ADAMTSL1: variants seen among roughly 807,000 people sequenced by gnomAD.
The protein encoded by ADAMTSL1 is ADAMTS-like protein 1.
In ADAMTSL1, 126 loss-of-function variants were observed where a neutral mutation model predicts 201.8. The observed-to-expected ratio is 0.62, with a 90% CI of 0.54 to 0.72. The LOEUF (loss-of-function observed/expected upper bound fraction) is 0.72. Among genes scored for constraint, ADAMTSL1 ranks in the 30% least tolerant of loss-of-function variants. ADAMTSL1 has a pLI of 0.00. For synonymous variants in ADAMTSL1, 1,121 were observed against 903.4 expected (o/e 1.24, Z -4.32); for missense variants, 2,679 against 2,277.8 (o/e 1.18, Z -3.59).
chr9:18,196,878 C>T (rs1829204259), intron 2 of ADAMTSL1, among the ~76,000 whole-genome samples: 1 of 152,068 alleles, frequency 6.6e-6, no homozygotes, highest in Admixed American at 6.6e-5. Flanking sequence ...TTCATGCCCT[C>T]AGGCTTCAGC....
At chr9:18,068,681 T>A (rs2131725728) in intron 1 of ADAMTSL1, among the ~76,000 whole-genome samples, 1 of 152,294 alleles carries the variant, frequency 6.6e-6, no homozygotes, top group South Asian at 2.1e-4. Flanking sequence ...TTCTGGAAGT[T>A]TTTAATGTTG....
intron 2 of ADAMTSL1, among the ~76,000 whole-genome samples, chr9:18,312,256 G>T (rs1834186180): frequency 6.6e-6 from 1 of 152,154 alleles, no homozygotes. Context: ...CAAGATTGGT[G>T]GCAACTTCCT....
intron 23 of ADAMTSL1, among the ~76,000 whole-genome samples, chr9:18,847,942 C>T (rs534965192): frequency 2.0e-5 from 3 of 152,210 alleles, no homozygotes. Context: ...GCATCATGGG[C>T]TTTTCCAGCA....
intron 7 of ADAMTSL1, among the ~76,000 whole-genome samples, chr9:18,650,457 A>G (rs2132908518): frequency 6.6e-6 from 1 of 152,006 alleles, no homozygotes; most frequent in African/African-American, 2.4e-5. Flanking sequence ...CTCAGATGGA[A>G]ATGCAGAAAT....
intron 20 of ADAMTSL1, among the ~76,000 whole-genome samples, chr9:18,800,474 T>C (rs1038477975): frequency 6.8e-6 from 1 of 146,510 alleles, no homozygotes; most frequent in African/African-American, 2.5e-5. Context: ...TAAGCTGCCA[T>C]CAAGGAGATT....
At chr9:17,980,983 C>G (rs570777769) in intron 1 of ADAMTSL1, among the ~76,000 whole-genome samples, 5 of 152,124 alleles carry the variant, frequency 3.3e-5, no homozygotes, top group African/African-American at 1.2e-4. Flanking sequence ...GGGAAACTCT[C>G]CTGGGAATTA....
intron 14 of ADAMTSL1, 92 bp downstream of exon 14, chr9:18,707,140 C>A: frequency 6.9e-7 from 1 of 1,450,614 alleles, no homozygotes; most frequent in Non-Finnish European, 9.2e-7. Flanking sequence ...GCCTCAAATC[C>A]AAGAATGATA....
At chr9:18,231,607 G>A (rs1258682641) in intron 2 of ADAMTSL1, among the ~76,000 whole-genome samples, 1 of 152,110 alleles carries the variant, frequency 6.6e-6, no homozygotes, top group Admixed American at 6.5e-5. Flanking sequence ...ATGGCTATAT[G>A]TGATCAGCAC....
At chr9:18,294,562 G>A (rs547768629) in intron 2 of ADAMTSL1, among the ~76,000 whole-genome samples, 1 of 152,276 alleles carries the variant, frequency 6.6e-6, no homozygotes, top group African/African-American at 2.4e-5. Flanking sequence ...CATAGTCTAA[G>A]CTGGCACTGC....
At chr9:18,013,693 C>A (rs1820144127) in intron 1 of ADAMTSL1, among the ~76,000 whole-genome samples, 2 of 151,970 alleles carry the variant, frequency 1.3e-5, no homozygotes, top group Admixed American at 6.6e-5. Context: ...CAGCACTTAG[C>A]CAAATGGGGC....
chr9:18,668,149 A>G (rs1374092152), intron 9 of ADAMTSL1, among the ~76,000 whole-genome samples: 5 of 152,194 alleles, frequency 3.3e-5, no homozygotes. Context: ...TAAGTAAATG[A>G]TTTAGAAAAG....
chr9:18,820,940 AAAG>A (rs1470974444), intron 21 of ADAMTSL1, among the ~76,000 whole-genome samples: 1 of 152,214 alleles, frequency 6.6e-6, no homozygotes, highest in African/African-American at 2.4e-5. Context: ...TGCTGCATTT[AAAG>A]AAGTAAAACC....
At chr9:18,130,591 G>T (rs1825910988) in intron 1 of ADAMTSL1, among the ~76,000 whole-genome samples, 1 of 152,132 alleles carries the variant, frequency 6.6e-6, no homozygotes, top group Non-Finnish European at 1.5e-5. Context: ...TCTTTACAGA[G>T]AGAAGCTAGC....
chr9:18,799,813 C>T (rs1247806343), intron 20 of ADAMTSL1, among the ~76,000 whole-genome samples: 1 of 152,124 alleles, frequency 6.6e-6, no homozygotes, highest in African/African-American at 2.4e-5. Flanking sequence ...ACAGAAACCT[C>T]ACTGGGAAAA....
At chr9:18,070,076 A>G (rs6475197) in intron 1 of ADAMTSL1, among the ~76,000 whole-genome samples, 6,179 of 152,244 alleles carry the variant, frequency 0.041, 380 homozygotes, top group African/African-American at 0.13. Flanking sequence ...TTAAGCTTAG[A>G]TGTGAGGCTA....
intron 13 of ADAMTSL1, among the ~76,000 whole-genome samples, chr9:18,696,738 C>T (rs1241783855): frequency 6.6e-6 from 1 of 151,748 alleles, no homozygotes; most frequent in Non-Finnish European, 1.5e-5. Flanking sequence ...GCAGTGTGGC[C>T]TTAGAAATCA....
At chr9:18,261,012 C>CTTTT (rs3085417) in intron 2 of ADAMTSL1, among the ~76,000 whole-genome samples, 1 of 104,230 alleles carries the variant, frequency 9.6e-6, no homozygotes, top group Non-Finnish European at 1.9e-5. Flanking sequence ...TTTCCTTTTT[C>CTTTT]TTTTTTTTTT....
chr9:18,162,748 T>C (rs1229774850), intron 1 of ADAMTSL1, among the ~76,000 whole-genome samples: 1 of 151,956 alleles, frequency 6.6e-6, no homozygotes, highest in Non-Finnish European at 1.5e-5. Flanking sequence ...CATAAAAAGG[T>C]ATAAAATGCA....
chr9:18,279,360 G>C (rs1292805501), intron 2 of ADAMTSL1, among the ~76,000 whole-genome samples: 1 of 151,858 alleles, frequency 6.6e-6, no homozygotes, highest in African/African-American at 2.4e-5. Flanking sequence ...AAAATGTGTT[G>C]TTCAAGGATC....
Sources: gnomAD v4.1 joint callset for allele counts (sites outside exome capture counted in the v4.1 genomes callset) on GRCh38, gnomAD v4.1.1 for gene constraint, MANE v1.5 for transcripts, NCBI Gene and HGNC (gene_info 2026-07-23, HGNC 2026-07-21) for gene names.